The following TTBK2 variants were observed in gnomAD, a reference collection of about 807,000 sequenced individuals.
TTBK2 encodes tau tubulin kinase 2.
TTBK2 carries 28 observed loss-of-function variants against 110.8 expected under a neutral mutation model. The observed-to-expected ratio is 0.25, with a 90% CI of 0.19 to 0.35. TTBK2 has a LOEUF of 0.35. Ranked by LOEUF, TTBK2 falls within the 10% of genes least tolerant of loss-of-function variation. The probability of loss-of-function intolerance (pLI) is 1.00; values close to 1 mark genes in which losing one functional copy is unlikely to be tolerated. For synonymous variants in TTBK2, 532 were observed against 527.3 expected, an observed-to-expected ratio of 1.01 and a Z score of -0.12; for missense variants, 1,369 against 1,500.3, an observed-to-expected ratio of 0.91 and a Z score of 1.45.
intron 4 of TTBK2, among the ~76,000 whole-genome samples, chr15:42,836,077 C>T (rs1273740408): frequency 6.6e-5 from 10 of 151,888 alleles, no homozygotes; most frequent in Non-Finnish European, 1.5e-5. Flanking sequence ...TTTGGTTATA[C>T]TAAAGATGCT....
Position 42,781,718 on chromosome 15 carries a change from A to G in TTBK2, c.1197+1701T>C, listed in dbSNP as rs546629947. ...TTGTCTTTATGTCACTGATTACTAG[A>G]TTAACTCCAATATTTTTAGAGAACA... is the stretch of plus-strand genomic sequence containing the variant. On this transcript the variant is annotated intron_variant, in intron 11 of 14. Transcript: ENST00000267890. Among the ~76,000 whole-genome samples the G allele has an allele frequency of 3.9e-5, 6 of 152,228 alleles. No individual in the cohort carries two copies. The South Asian group carries it at 1.2e-3, about 32-fold the overall frequency.
intron 1 of TTBK2, among the ~76,000 whole-genome samples, chr15:42,892,704 CAAAAAA>C (rs35331798): frequency 2.6e-5 from 1 of 37,908 alleles, no homozygotes; most frequent in Non-Finnish European, 4.8e-5. Context: ...GACCCTGTCT[CAAAAAA>C]AAAAAAAAAA....
At chr15:42,858,675 G>A (rs1894039166) in intron 3 of TTBK2, among the ~76,000 whole-genome samples, 1 of 152,152 alleles carries the variant, frequency 6.6e-6, no homozygotes, top group African/African-American at 2.4e-5. Flanking sequence ...CTCCAAAATT[G>A]GAAAGAGAGA....
chr15:42,763,090 ATATATATATATACG>A (rs1371158816), intron 13 of TTBK2, among the ~76,000 whole-genome samples: 9 of 123,800 alleles, frequency 7.3e-5, no homozygotes, highest in Non-Finnish European at 1.3e-4. Flanking sequence ...AATTTTATAT[ATATATATATATACG>A]TATATATATA....
Position 42,753,156 on chromosome 15 carries a change from G to T in TTBK2, c.2090C>A (p.Pro697His). The T allele has an allele frequency of 3.7e-6, 6 of 1,604,308 alleles. No individual in the cohort carries two copies. Among genetic ancestry groups the T allele is most frequent in the Non-Finnish European group, 5.1e-6 (6 of 1,177,160 alleles). Residue 697 changes from proline to histidine, a missense_variant, in exon 14 of 15, where the codon CCC becomes CAC. By Grantham distance (77) the Pro-to-His change is moderately conservative (BLOSUM62 -2). Transcript: ENST00000267890. ...GTAAAGTTCCACAGTGGGCTCCATGGGCTGAAGATCTTTCTTCTCTGGCTG... is the reference window on the plus strand; with the variant it reads ...GTAAAGTTCCACAGTGGGCTCCATGTGCTGAAGATCTTTCTTCTCTGGCTG... The part of the protein sequence containing the change: ...GQQPEKKDLQ[P>H]MEPTVELYSP...
chr15:42,823,926 C>T lies in TTBK2; in HGVS notation c.537+4002G>A, dbSNP rs1043940833. 2.1e-4 allele frequency among the ~76,000 whole-genome samples: 32 copies of T among 152,180 alleles called. No individual in the cohort carries two copies. The East Asian group carries it at 2.5e-3, about 12-fold the overall frequency. On this transcript the variant is annotated intron_variant, in intron 6 of 14. Coordinates refer to ENST00000267890, the MANE Select transcript of TTBK2 (RefSeq NM_173500.4). ...TTCGCAGTTCTGCATGCAGGTTGTA[C>T]AAGAAACATGGCACCAGCATCTGCT... is the stretch of plus-strand genomic sequence containing the variant.
In TTBK2 at chr15:42,918,637, T is replaced by A. The variant is rs1274206357; in HGVS notation, c.-68+1801A>T. ...ATTGCCACATTTTTAGTGCACTTTT[T>A]AGAAGTAAAATACGCTCGAAAATGG... On this transcript the variant is annotated intron_variant, in intron 1 of 14. Transcript: ENST00000267890. Among the ~76,000 whole-genome samples the A allele has an allele frequency of 2.0e-5, 3 of 152,218 alleles. 1 individual carries two copies. Among genetic ancestry groups the A allele is most frequent in the African/African-American group, 7.2e-5 (3 of 41,446 alleles).
At chr15:42,831,700 CT>C (rs1436705259) in intron 4 of TTBK2, among the ~76,000 whole-genome samples, 1 of 152,176 alleles carries the variant, frequency 6.6e-6, no homozygotes, top group African/African-American at 2.4e-5. Context: ...TTTCTACAGA[CT>C]TTTTCATGAT....
In TTBK2 at chr15:42,866,832, C is replaced by G. The variant is rs114020950; in HGVS notation, c.217+5779G>C. On this transcript the variant is annotated intron_variant, in intron 3 of 14. Coordinates refer to ENST00000267890, the MANE Select transcript of TTBK2 (RefSeq NM_173500.4). ...TCTAAATAACACAGGAGTCAAAGAA[C>G]TATCATAAGAAGTTTTAAACTATTT... Among the ~76,000 whole-genome samples, 272 of 152,190 alleles carry G rather than the reference C, an allele frequency of 1.8e-3. 3 individuals carry two copies. Among genetic ancestry groups the G allele is most frequent in the African/African-American group, 6.4e-3 (266 of 41,524 alleles).
chr15:42,779,636 G>A (rs1890095365), intron 11 of TTBK2, among the ~76,000 whole-genome samples: 4 of 152,104 alleles, frequency 2.6e-5, no homozygotes, highest in South Asian at 2.1e-4. Flanking sequence ...AATGGTAAAC[G>A]TCTTTGAAAG....
In TTBK2 at chr15:42,743,694, A is replaced by G. The variant is rs1205349404; in HGVS notation, c.*2101T>C. The G allele has an allele frequency of 6.6e-6, 1 of 152,230 alleles. No individual in the cohort carries two copies. Among genetic ancestry groups the G allele is most frequent in the Non-Finnish European group, 1.5e-5 (1 of 68,038 alleles). 9.4% of individuals were successfully genotyped at this position (152,230 alleles called of 1,614,324 possible). On this transcript the variant is annotated 3_prime_UTR_variant, in exon 15 of 15. Coordinates refer to ENST00000267890, the MANE Select transcript of TTBK2 (RefSeq NM_173500.4). Reference sequence around the variant, plus strand: ...TAACATGACAAATCTCTGAACCAGTATTACAAGCATGTCCCTGTAATTTTT... The same window carrying G: ...TAACATGACAAATCTCTGAACCAGTGTTACAAGCATGTCCCTGTAATTTTT...
At chr15:42,803,380 T>C (rs969975582) in intron 9 of TTBK2, among the ~76,000 whole-genome samples, 4 of 152,222 alleles carry the variant, frequency 2.6e-5, no homozygotes, top group African/African-American at 9.6e-5. Context: ...CTGTCGTATA[T>C]GCAATCCATC....
At chr15:42,857,978 G>T (rs893160107) in intron 3 of TTBK2, among the ~76,000 whole-genome samples, 1 of 152,096 alleles carries the variant, frequency 6.6e-6, no homozygotes, top group African/African-American at 2.4e-5. Context: ...AGCTACTAGG[G>T]AGGCTGAGGC....
At chr15:42,781,843 A>C (rs1418287680) in intron 11 of TTBK2, among the ~76,000 whole-genome samples, 3 of 152,190 alleles carry the variant, frequency 2.0e-5, no homozygotes, top group Admixed American at 2.0e-4. Flanking sequence ...CAGTGGGGAT[A>C]GGGTAGAAGC....
chr15:42,745,628 G>A lies in TTBK2; in HGVS notation c.*167C>T, dbSNP rs2061780523. 3.6e-6 allele frequency: 3 copies of A among 843,594 alleles called. No individual in the cohort carries two copies. Among genetic ancestry groups the A allele is most frequent in the Non-Finnish European group, 5.8e-6 (3 of 516,926 alleles). 52.3% of individuals were successfully genotyped at this position (843,594 alleles called of 1,614,324 possible). A position where few individuals can be genotyped will look rare whatever the true frequency, so the allele number is the denominator to read the frequency against. On this transcript the variant is annotated 3_prime_UTR_variant, in exon 15 of 15. Transcript: ENST00000267890. ...CCTAATCTACTTGCTGCCTGCCTTA[G>A]GTAATTCCTTATCATGTATTATGTC...
intron 1 of TTBK2, among the ~76,000 whole-genome samples, chr15:42,894,678 A>G (rs773217515): frequency 6.6e-5 from 10 of 152,188 alleles, no homozygotes; most frequent in Non-Finnish European, 1.5e-4. Flanking sequence ...ACCTGAGCCC[A>G]GGAAAGTCAA....
chr15:42,748,965 T>C (rs1325503589), intron 14 of TTBK2, among the ~76,000 whole-genome samples: 2 of 152,210 alleles, frequency 1.3e-5, no homozygotes, highest in African/African-American at 4.8e-5. Flanking sequence ...ATTTATCAAA[T>C]CATGGACAAC....
chr15:42,844,918 C>G (rs896209250), intron 3 of TTBK2, among the ~76,000 whole-genome samples: 9 of 152,196 alleles, frequency 5.9e-5, no homozygotes, highest in Non-Finnish European at 1.0e-4. Context: ...CTAAACTAGG[C>G]ACTAGAAATA....
In TTBK2 at chr15:42,746,257, C is replaced by G; in HGVS notation, c.3273G>C (p.Arg1091Ser). The G allele has an allele frequency of 6.2e-7, 1 of 1,608,172 alleles. No individual in the cohort carries two copies. Among genetic ancestry groups the G allele is most frequent in the East Asian group, 2.2e-5 (1 of 44,860 alleles). The change falls in exon 15 of 15, where the codon AGG becomes AGC. Residue 1091 changes from arginine (R) to serine (S), a missense_variant and splice_region_variant. This residue lies in a region of TTBK2 where 1,097 missense variants were observed against 1,114.7 expected (regional missense o/e 0.98). Coordinates refer to ENST00000267890, the MANE Select transcript of TTBK2 (RefSeq NM_173500.4). ...TCCCTAGGACTTTATATCTGCGTAG[C>G]CTTAAAAGAACAGAGAAAATATATT... is the stretch of plus-strand genomic sequence containing the variant. ...KPPTRPGVEA[R>S]LRRYKVLGSS...
Sources: gnomAD v4.1 joint callset for allele counts (sites outside exome capture counted in the v4.1 genomes callset) on GRCh38, gnomAD v4.1.1 for gene constraint, gnomAD v4.1.1 regional missense constraint, MANE v1.5 for transcripts, NCBI Gene and HGNC (gene_info 2026-07-23, HGNC 2026-07-21) for gene names.